Variants in JAKMIP3 observed in about 807,000 individuals in gnomAD.
JAKMIP3 encodes janus kinase and microtubule-interacting protein 3.
In JAKMIP3, 58 loss-of-function variants were observed where a neutral mutation model predicts 118.5. The observed-to-expected ratio is 0.49, with a 90% confidence interval of 0.40 to 0.61. The LOEUF (loss-of-function observed/expected upper bound fraction) is 0.61. Ranked by LOEUF, JAKMIP3 falls within the 20% of genes least tolerant of loss-of-function variation. The probability of loss-of-function intolerance (pLI) is 0.00; values close to 1 mark genes in which losing one functional copy is unlikely to be tolerated. For missense variants in JAKMIP3, 950 were observed against 1,109.0 expected, an observed-to-expected ratio of 0.86 and a Z score of 2.04; for synonymous variants, 486 against 451.2, an observed-to-expected ratio of 1.08 and a Z score of -0.98.
intron 16 of JAKMIP3, among the ~76,000 whole-genome samples, chr10:132,151,619 G>A (rs1326437576): frequency 5.3e-5 from 8 of 152,376 alleles, no homozygotes; most frequent in Non-Finnish European, 8.8e-5. Flanking sequence ...CTGATTCACA[G>A]TTGGAGAAGC....
intron 9 of JAKMIP3, among the ~76,000 whole-genome samples, chr10:132,139,588 A>G (rs1043710241): frequency 7.4e-6 from 1 of 135,034 alleles, no homozygotes; most frequent in East Asian, 2.7e-4. Flanking sequence ...CCTCGGTCAC[A>G]AACACTTGCC....
intron 1 of JAKMIP3, among the ~76,000 whole-genome samples, chr10:132,042,277 T>A (rs2037788438): frequency 6.6e-6 from 1 of 151,430 alleles, no homozygotes; most frequent in Non-Finnish European, 1.5e-5. Flanking sequence ...AGTGGCATGA[T>A]CATGGCTCAC....
chr10:132,074,362 A>T (rs1055808577), intron 1 of JAKMIP3, among the ~76,000 whole-genome samples: 1 of 152,020 alleles, frequency 6.6e-6, no homozygotes, highest in African/African-American at 2.4e-5. Context: ...CCATTTTTTG[A>T]CTTTTTAATA....
At chr10:132,180,073 C>A (rs1423194864) in intron 23 of JAKMIP3, among the ~76,000 whole-genome samples, 2 of 152,204 alleles carry the variant, frequency 1.3e-5, no homozygotes, top group East Asian at 1.9e-4. Flanking sequence ...ACATGCCAGG[C>A]CCTCAAAAGG....
intron 13 of JAKMIP3, 90 bp from the exon 14 acceptor site, chr10:132,147,862 G>C: frequency 1.1e-6 from 1 of 922,808 alleles, no homozygotes; most frequent in Admixed American, 2.5e-5. Flanking sequence ...CCGGCAGCCA[G>C]CAGCTGTCCC....
At chr10:132,148,784 G>C (rs910134382) in intron 14 of JAKMIP3, among the ~76,000 whole-genome samples, 1 of 152,208 alleles carries the variant, frequency 6.6e-6, no homozygotes. Flanking sequence ...TCACGGCAAG[G>C]GTGGTCCACC....
rs1007014848 is a variant in JAKMIP3, at chr10:132,163,479, G to A, written c.2424+67G>A. On this transcript the variant is annotated intron_variant, in intron 20 of 23. Coordinates refer to ENST00000684848, the MANE Select transcript of JAKMIP3 (RefSeq NM_001323087.2). ...CAGGACCTGCACAGAGCCAGGGGGG[G>A]TCCTCCCACGGCCACACCTCCAACC... The A allele has an allele frequency of 2.3e-5, 33 of 1,422,818 alleles. No individual in the cohort carries two copies. The Admixed American group carries it at 5.9e-4, about 25-fold the overall frequency. The allele number at this position is 1,422,818 out of a possible 1,614,324, so 88.1% of individuals were successfully genotyped here.
chr10:132,162,308 G>A (rs1005344532), intron 19 of JAKMIP3, among the ~76,000 whole-genome samples: 3 of 152,222 alleles, frequency 2.0e-5, no homozygotes, highest in Non-Finnish European at 2.9e-5. Flanking sequence ...GTGTCACCAC[G>A]GAGGTCCTGA....
intron 1 of JAKMIP3, among the ~76,000 whole-genome samples, chr10:132,055,870 G>T (rs2038224413): frequency 6.6e-6 from 1 of 152,132 alleles, no homozygotes; most frequent in East Asian, 1.9e-4. Flanking sequence ...CTGGGCTTCT[G>T]CCCCCTTCCT....
intron 23 of JAKMIP3, among the ~76,000 whole-genome samples, chr10:132,173,409 A>G (rs2059820426): frequency 6.6e-6 from 1 of 151,116 alleles, no homozygotes. Flanking sequence ...CCTGGCATAC[A>G]CCCATGTTGC....
intron 1 of JAKMIP3, among the ~76,000 whole-genome samples, chr10:132,098,181 G>A (rs909876251): frequency 1.3e-5 from 2 of 151,576 alleles, no homozygotes; most frequent in African/African-American, 4.8e-5. Flanking sequence ...GACCACAGGT[G>A]CCCACCTGGT....
In JAKMIP3 at chr10:132,089,104, A is replaced by G. The variant is rs575461838; in HGVS notation, c.-137-15568A>G. 2.0e-5 allele frequency among the ~76,000 whole-genome samples: 3 copies of G among 152,234 alleles called. No homozygotes were observed. In the South Asian group the frequency reaches 6.2e-4, roughly 32 times the overall value. ...GTACCAGTACCATGCTGTTTTGGTT[A>G]CTCTAGCCTTGTAGTATAGTTTGAA... On this transcript the variant is annotated intron_variant, in intron 1 of 23. Coordinates refer to ENST00000684848, the MANE Select transcript of JAKMIP3 (RefSeq NM_001323087.2).
intron 2 of JAKMIP3, among the ~76,000 whole-genome samples, chr10:132,107,897 C>T (rs1335742547): frequency 6.6e-6 from 1 of 152,210 alleles, no homozygotes; most frequent in East Asian, 1.9e-4. Context: ...TGGGCCAGAG[C>T]GTGTCTATGT....
chr10:132,066,316 T>G (rs10870235), intron 1 of JAKMIP3, among the ~76,000 whole-genome samples: 8,194 of 152,234 alleles, frequency 0.054, 447 homozygotes, highest in East Asian at 0.25. Flanking sequence ...CAGTAGTAGG[T>G]TTCTCCTTTA....
chr10:132,130,971 C>T (rs2050455112), intron 3 of JAKMIP3, among the ~76,000 whole-genome samples: 1 of 151,238 alleles, frequency 6.6e-6, no homozygotes, highest in Admixed American at 6.6e-5. Flanking sequence ...CAGAGAGACA[C>T]TGTGCGGGGC....
intron 1 of JAKMIP3, among the ~76,000 whole-genome samples, chr10:132,037,848 C>A (rs1465239570): frequency 6.6e-6 from 1 of 152,062 alleles, no homozygotes; most frequent in African/African-American, 2.4e-5. Flanking sequence ...CCCCCTACCC[C>A]TGCCCCGGGG....
At chr10:132,097,645 G>A (rs1453287701) in intron 1 of JAKMIP3, among the ~76,000 whole-genome samples, 1 of 151,758 alleles carries the variant, frequency 6.6e-6, no homozygotes, top group Non-Finnish European at 1.5e-5. Flanking sequence ...CTGTCCCGCT[G>A]TTTTCCAAGA....
intron 20 of JAKMIP3, among the ~76,000 whole-genome samples, chr10:132,163,796 C>A (rs1228888771): frequency 6.6e-6 from 1 of 152,224 alleles, no homozygotes; most frequent in Non-Finnish European, 1.5e-5. Context: ...GGTGGCAGTT[C>A]CCCTCTTTTG....
chr10:132,159,672 TC>T (rs1453307555), intron 19 of JAKMIP3, among the ~76,000 whole-genome samples: 25 of 32,896 alleles, frequency 7.6e-4, no homozygotes, highest in Admixed American at 1.6e-3. Context: ...TGCTGGGGGG[TC>T]CTCTCCCTAT....
Sources: allele counts gnomAD v4.1 joint callset (sites outside exome capture counted in the v4.1 genomes callset), GRCh38; gene constraint gnomAD v4.1.1; transcripts MANE v1.5; gene names NCBI Gene and HGNC (gene_info 2026-07-23, HGNC 2026-07-21).